The following ADAMTSL1 variants were observed in gnomAD, a reference collection of about 807,000 sequenced individuals.
The protein encoded by ADAMTSL1 is ADAMTS-like protein 1.
ADAMTSL1 carries 126 observed loss-of-function variants against 201.8 expected under a neutral mutation model. That is an observed-to-expected ratio of 0.62 (90% CI 0.54 to 0.72). ADAMTSL1 has a LOEUF of 0.72. ADAMTSL1 is among the 30% of genes least tolerant of loss of function. The probability of loss-of-function intolerance (pLI) is 0.00; values close to 1 mark genes in which losing one functional copy is unlikely to be tolerated. For missense variants in ADAMTSL1, 2,679 were observed against 2,277.8 expected (o/e 1.18, Z -3.59); for synonymous variants, 1,121 against 903.4 (o/e 1.24, Z -4.32).
intron 15 of ADAMTSL1, among the ~76,000 whole-genome samples, chr9:18,722,034 C>A (rs936801444): frequency 1.3e-5 from 2 of 152,150 alleles, no homozygotes; most frequent in East Asian, 3.8e-4. Context: ...ATGAACTGGT[C>A]TGTGAATTGC....
At chr9:18,747,527 G>A (rs1819218712) in intron 15 of ADAMTSL1, among the ~76,000 whole-genome samples, 1 of 152,024 alleles carries the variant, frequency 6.6e-6, no homozygotes, top group African/African-American at 2.4e-5. Flanking sequence ...CCAGCAGCAG[G>A]CATTCTGGGC....
chr9:17,928,082 C>G (rs982635062), intron 1 of ADAMTSL1, among the ~76,000 whole-genome samples: 1 of 151,630 alleles, frequency 6.6e-6, no homozygotes, highest in Non-Finnish European at 1.5e-5. Flanking sequence ...GCAGCCTCGA[C>G]TTCCTGGGCT....
rs200524902 is a variant in ADAMTSL1 at position 18,523,585 on chromosome 9, G to T, written c.192-9662G>T. On this transcript the variant is annotated intron_variant, in intron 2 of 28. Coordinates refer to ENST00000380548, the MANE Select transcript of ADAMTSL1 (RefSeq NM_001040272.6). Reference sequence around the variant, plus strand: ...TTTTTATGGTTTTAGGTCTAACGTTGAAGTCTTTAATCCATCTTGAATTAA... The same window carrying T: ...TTTTTATGGTTTTAGGTCTAACGTTTAAGTCTTTAATCCATCTTGAATTAA... Among the ~76,000 whole-genome samples the T allele has an allele frequency of 1.2e-3, 183 of 151,322 alleles. 2 individuals are homozygous for T. The highest frequency in any genetic ancestry group is 3.5e-3 in the African/African-American group (145 of 41,248).
chr9:18,884,950 G>A (rs1169925458), intron 23 of ADAMTSL1, among the ~76,000 whole-genome samples: 1 of 152,174 alleles, frequency 6.6e-6, no homozygotes, highest in Non-Finnish European at 1.5e-5. Flanking sequence ...GATGGGGATT[G>A]CATTCAATCT....
At chr9:18,060,488 A>G (rs1822400076) in intron 1 of ADAMTSL1, among the ~76,000 whole-genome samples, 1 of 152,312 alleles carries the variant, frequency 6.6e-6, no homozygotes, top group South Asian at 2.1e-4. Flanking sequence ...TTCCAGCTTC[A>G]GCTTCTGACA....
intron 23 of ADAMTSL1, among the ~76,000 whole-genome samples, chr9:18,858,251 C>T (rs892060656): frequency 1.3e-5 from 2 of 152,108 alleles, no homozygotes; most frequent in Non-Finnish European, 2.9e-5. Context: ...CTTTCTTATG[C>T]GATCAAGCCC....
chr9:18,131,663 A>G (rs1478337754), intron 1 of ADAMTSL1, among the ~76,000 whole-genome samples: 2 of 152,102 alleles, frequency 1.3e-5, no homozygotes, highest in Non-Finnish European at 2.9e-5. Flanking sequence ...TGGCTGTTCT[A>G]TAGAGGATTT....
intron 16 of ADAMTSL1, among the ~76,000 whole-genome samples, chr9:18,769,578 G>A (rs753810027): frequency 3.2e-4 from 49 of 152,294 alleles, no homozygotes; most frequent in Admixed American, 3.3e-4. Flanking sequence ...CAGTCAGGAA[G>A]CCAGGCTTCT....
chr9:18,211,618 C>G (rs1174794192), intron 2 of ADAMTSL1, among the ~76,000 whole-genome samples: 1 of 152,168 alleles, frequency 6.6e-6, no homozygotes, highest in African/African-American at 2.4e-5. Flanking sequence ...GGGGAAGTAC[C>G]TAAATCAATA....
intron 1 of ADAMTSL1, among the ~76,000 whole-genome samples, chr9:18,146,445 C>A (rs1826646861): frequency 6.6e-6 from 1 of 151,940 alleles, no homozygotes; most frequent in Non-Finnish European, 1.5e-5. Flanking sequence ...ATACATATTG[C>A]CGAGAAAAAG....
intron 6 of ADAMTSL1, 110 bp downstream of exon 6, chr9:18,636,127 T>A: frequency 1.1e-6 from 1 of 912,616 alleles, no homozygotes; most frequent in Non-Finnish European, 1.6e-6. Flanking sequence ...TTCTACTCTA[T>A]CATAATATGA....
chr9:18,826,395 G>C lies in ADAMTSL1; in HGVS notation c.4046G>C (p.Gly1349Ala), dbSNP rs780406019. 8 of 1,613,692 alleles carry C rather than the reference G, an allele frequency of 5.0e-6. No individual in the cohort carries two copies. The Admixed American group carries it at 1.3e-4, about 27-fold the overall frequency. The change falls in exon 22 of 29, where the codon GGC becomes GCC. Residue 1349 changes from glycine to alanine, a missense_variant. Transcript: ENST00000380548. ...LLTNVSSSDQ[G>A]LYSCRAANLH... ...ACAAACGTGTCCTCCTCGGATCAGG[G>C]CCTGTACTCCTGCAGGGCGGCCAAT...
At chr9:18,591,365 T>G (rs901661795) in intron 4 of ADAMTSL1, among the ~76,000 whole-genome samples, 2 of 152,210 alleles carry the variant, frequency 1.3e-5, no homozygotes, top group African/African-American at 4.8e-5. Flanking sequence ...TCTATTTGCA[T>G]GGAGTATCTT....
chr9:17,907,846 ATAATT>A (rs1176810546), intron 1 of ADAMTSL1, among the ~76,000 whole-genome samples: 1 of 152,152 alleles, frequency 6.6e-6, no homozygotes, highest in East Asian at 1.9e-4. Flanking sequence ...CAGTTTGTAC[ATAATT>A]TAGCCTCCAT....
At chr9:18,066,018 T>C (rs1302331302) in intron 1 of ADAMTSL1, among the ~76,000 whole-genome samples, 2 of 131,672 alleles carry the variant, frequency 1.5e-5, no homozygotes, top group South Asian at 4.9e-4. Flanking sequence ...AAAAAAAGAA[T>C]GGCACCACCA....
intron 7 of ADAMTSL1, among the ~76,000 whole-genome samples, chr9:18,645,685 G>A (rs1201764690): frequency 2.0e-5 from 3 of 150,244 alleles, no homozygotes; most frequent in Non-Finnish European, 3.0e-5. Flanking sequence ...GTTTGTCAAA[G>A]ATCAGATAGT....
intron 1 of ADAMTSL1, among the ~76,000 whole-genome samples, chr9:17,959,490 G>A (rs1239702457): frequency 3.3e-5 from 5 of 151,576 alleles, no homozygotes; most frequent in Admixed American, 6.6e-5. Flanking sequence ...ACAGAGTCTC[G>A]CTCTGTCACC....
chr9:18,042,328 A>G (rs1821460536), intron 1 of ADAMTSL1, among the ~76,000 whole-genome samples: 1 of 152,176 alleles, frequency 6.6e-6, no homozygotes, highest in Non-Finnish European at 1.5e-5. Context: ...TAGCAAGATC[A>G]ATGAATTTAT....
chr9:18,640,219 G>A lies in ADAMTSL1; in HGVS notation c.834+808G>A, dbSNP rs116635346. On this transcript the variant is annotated intron_variant, in intron 7 of 28. Coordinates refer to ENST00000380548, the MANE Select transcript of ADAMTSL1 (RefSeq NM_001040272.6). ...GAAAGGTTCCAGAATACTGTCCTCCGTCTCCATCTGCATGGTAGTTCTTTT... is the reference window on the plus strand; with the variant it reads ...GAAAGGTTCCAGAATACTGTCCTCCATCTCCATCTGCATGGTAGTTCTTTT... Among the ~76,000 whole-genome samples the A allele has an allele frequency of 7.0e-3, 1,068 of 152,176 alleles. 23 individuals are homozygous for A. The highest frequency in any genetic ancestry group is 0.024 in the African/African-American group (1,012 of 41,532).
Sources: gnomAD v4.1 joint callset for allele counts (sites outside exome capture counted in the v4.1 genomes callset) on GRCh38, gnomAD v4.1.1 for gene constraint, MANE v1.5 for transcripts, NCBI Gene and HGNC (gene_info 2026-07-23, HGNC 2026-07-21) for gene names.